The following CDKN2A variants were observed in gnomAD, a reference collection of about 807,000 sequenced individuals.
CDKN2A encodes cyclin-dependent kinase inhibitor 2A.
Under a neutral mutation model 11.1 loss-of-function variants are expected in CDKN2A, and 3 were observed. The ratio of observed to expected loss-of-function variants is 0.27; its 90% CI spans 0.12 to 0.70. The LOEUF (loss-of-function observed/expected upper bound fraction) is 0.70. Among genes scored for constraint, CDKN2A ranks in the 30% least tolerant of loss-of-function variants. The pLI is 0.77. For synonymous variants in CDKN2A, 122 were observed against 108.1 expected (o/e 1.13, Z -0.80); for missense variants, 265 against 233.6 (o/e 1.13, Z -0.88).
At chr9:21,986,352 T>C (rs1249469089) in intron 2 of CDKN2A, among the ~76,000 whole-genome samples, 2 of 152,044 alleles carry the variant, frequency 1.3e-5, no homozygotes. Context: ...AAAATAAATT[T>C]TTGAAAGATG....
chr9:21,975,521 C>T (rs904847304), upstream of CDKN2A, among the ~76,000 whole-genome samples: 1 of 152,052 alleles, frequency 6.6e-6, no homozygotes, highest in African/African-American at 2.4e-5. Context: ...GTCAGAAACC[C>T]TAGTTCAAAG....
Position 21,974,287 on chromosome 9 carries a change from G to T in CDKN2A, c.150+391C>A. 1 of 692,014 alleles carries T rather than the reference G, an allele frequency of 1.4e-6. No homozygotes were observed. Among genetic ancestry groups the T allele is most frequent in the Non-Finnish European group, 2.2e-6 (1 of 457,926 alleles). The allele number at this position is 692,014 out of a possible 1,614,324, so 42.9% of individuals were successfully genotyped here. A position where few individuals can be genotyped will look rare whatever the true frequency, so the allele number is the denominator to read the frequency against. On this transcript the variant is annotated intron_variant, in intron 1 of 2. Coordinates refer to ENST00000304494, the MANE Select transcript of CDKN2A (RefSeq NM_000077.5). This position sits in a 1 kb window ranked among gnomAD's most constrained non-coding sequence, Gnocchi z 5.2. ...TAATCCCTCCTAGTAAGAAAGATAAGCTCCATCCAGGTATCTGTGAATTGG... is the reference window on the plus strand; with the variant it reads ...TAATCCCTCCTAGTAAGAAAGATAATCTCCATCCAGGTATCTGTGAATTGG...
At position 21,970,993 on chromosome 9, in the gene CDKN2A, G is replaced by C; in HGVS notation, c.366C>G (p.Gly122=). ...GCAGGTACCGTGCGACATCGCGATG[G>C]CCCAGCTCCTCAGCCAGGTCCACGG... ...RLPVDLAEEL[G]HRDVARYLRA... is the part of the protein sequence containing the mutation. The change falls in exon 2 of 3, where the codon GGC becomes GGG. Residue 122 remains glycine (G), a synonymous_variant. Coordinates refer to ENST00000304494, the MANE Select transcript of CDKN2A (RefSeq NM_000077.5). The C allele has an allele frequency of 6.2e-7, 1 of 1,609,798 alleles. No individual in the cohort carries two copies. The highest frequency in any genetic ancestry group is 8.5e-7 in the Non-Finnish European group (1 of 1,179,982).
chr9:21,975,338 G>T (rs1819995703), upstream of CDKN2A, among the ~76,000 whole-genome samples: 1 of 152,032 alleles, frequency 6.6e-6, no homozygotes, highest in Non-Finnish European at 1.5e-5. Flanking sequence ...AAATTGAATC[G>T]GGGTGTTTGG....
At chr9:21,973,686 A>G (rs1279584282) in intron 1 of CDKN2A, among the ~76,000 whole-genome samples, 2 of 152,220 alleles carry the variant, frequency 1.3e-5, no homozygotes, top group African/African-American at 4.8e-5. Context: ...CAAATAAACT[A>G]TATCAAGTAA....
chr9:21,988,662 A>G lies in CDKN2A; in HGVS notation c.-4+5220T>C, dbSNP rs933474839. Reference sequence around the variant, plus strand: ...ACCTACTGTGGGTACTGTGCTCACTACTTGAGTGACAGATTCAGTCGTACT... The same window carrying G: ...ACCTACTGTGGGTACTGTGCTCACTGCTTGAGTGACAGATTCAGTCGTACT... On this transcript the variant is annotated intron_variant, in intron 2 of 3. Coordinates refer to the CDKN2A transcript ENST00000494262. The surrounding 1 kb of genome is among the most constrained non-coding windows in gnomAD (Gnocchi z 4.1). Among the ~76,000 whole-genome samples the G allele has an allele frequency of 6.6e-6, 1 of 152,104 alleles. No homozygotes were observed. Among genetic ancestry groups the G allele is most frequent in the Non-Finnish European group, 1.5e-5 (1 of 68,020 alleles).
At chr9:21,992,625 T>A (rs767585373) in intron 2 of CDKN2A, 18 of 210,644 alleles carry the variant, frequency 8.5e-5, no homozygotes, top group Non-Finnish European at 1.4e-4. Context: ...AACTAAAAAA[T>A]ACATAATTAT....
chr9:21,992,280 G>A (rs1479840575), intron 2 of CDKN2A: 1 of 901,210 alleles, frequency 1.1e-6, no homozygotes, highest in Non-Finnish European at 1.3e-6. Context: ...TATAGCCATG[G>A]GCATAAAATA....
At chr9:21,970,795 G>T in intron 2 of CDKN2A, 107 bp downstream of exon 2, 2 of 1,389,918 alleles carry the variant, frequency 1.4e-6, no homozygotes, top group South Asian at 2.4e-5. Flanking sequence ...GTGAGCTGAG[G>T]CAAGACCGGA....
chr9:21,975,995 C>G (rs1820017912), upstream of CDKN2A, among the ~76,000 whole-genome samples: 1 of 152,214 alleles, frequency 6.6e-6, no homozygotes, highest in African/African-American at 2.4e-5. Context: ...GCCTTAAGAA[C>G]AGTGCCACAC....
In CDKN2A at chr9:21,968,367, G is replaced by T; in HGVS notation, c.458-125C>A. On this transcript the variant is annotated intron_variant, in intron 2 of 2. Coordinates refer to ENST00000304494, the MANE Select transcript of CDKN2A (RefSeq NM_000077.5). The surrounding 1 kb of genome is among the most constrained non-coding windows in gnomAD (Gnocchi z 4.7). Reference sequence around the variant, plus strand: ...ACTTATGGATAAAGTTCTCGCAATGGCTTCACGTGCATGTACCCGCCGCCA... The same window carrying T: ...ACTTATGGATAAAGTTCTCGCAATGTCTTCACGTGCATGTACCCGCCGCCA... The T allele has an allele frequency of 3.3e-6, 5 of 1,495,452 alleles. No homozygotes were observed. In the South Asian group the frequency reaches 3.6e-5, roughly 11 times the overall value. 92.6% of individuals were successfully genotyped at this position (1,495,452 alleles called of 1,614,324 possible).
chr9:21,976,135 T>C (rs746502096), upstream of CDKN2A, among the ~76,000 whole-genome samples: 1 of 151,822 alleles, frequency 6.6e-6, no homozygotes, highest in African/African-American at 2.4e-5. Flanking sequence ...TCCCAGCACT[T>C]TGGGAAGCCG....
In CDKN2A at chr9:21,968,409, C is replaced by G; in HGVS notation, c.458-167G>C. ...CCGCCGCCACCGCTCTCCCACACCT[C>G]CCTGGTCCAGCAGCTAGTCCACTGC... On this transcript the variant is annotated intron_variant, in intron 2 of 2. Coordinates refer to ENST00000304494, the MANE Select transcript of CDKN2A (RefSeq NM_000077.5). The surrounding 1 kb of genome is among the most constrained non-coding windows in gnomAD (Gnocchi z 4.7). 3.1e-6 allele frequency: 3 copies of G among 978,390 alleles called. No homozygotes were observed. The highest frequency in any genetic ancestry group is 5.3e-4 in the Middle Eastern group (1 of 1,904). The allele number at this position is 978,390 out of a possible 1,614,324, so 60.6% of individuals were successfully genotyped here. A position where few individuals can be genotyped will look rare whatever the true frequency, so the allele number is the denominator to read the frequency against.
chr9:21,969,573 T>C (rs1819593371), intron 2 of CDKN2A: 2 of 394,842 alleles, frequency 5.1e-6, no homozygotes, highest in South Asian at 2.8e-4. Flanking sequence ...GTGTTTGGAT[T>C]AAATATATTA....
upstream of CDKN2A, chr9:21,974,943 G>T: frequency 1.4e-6 from 2 of 1,423,454 alleles, no homozygotes; most frequent in Non-Finnish European, 1.8e-6. This position sits in a 1 kb window ranked among gnomAD's most constrained non-coding sequence, Gnocchi z 5.2. Flanking sequence ...TCCGGTGCTG[G>T]CGGAAGAGCC....
At chr9:21,981,900 G>T (rs1444116794) in intron 2 of CDKN2A, among the ~76,000 whole-genome samples, 1 of 152,164 alleles carries the variant, frequency 6.6e-6, no homozygotes, top group African/African-American at 2.4e-5. Flanking sequence ...GGAGACCTCT[G>T]AGAAAGTAGA....
intron 2 of CDKN2A, among the ~76,000 whole-genome samples, chr9:21,990,247 T>C (rs1362875144): frequency 6.6e-6 from 1 of 152,132 alleles, no homozygotes; most frequent in Admixed American, 6.5e-5. Flanking sequence ...GAAACAGGTA[T>C]AGCTACGGAT....
intron 2 of CDKN2A, among the ~76,000 whole-genome samples, chr9:21,985,493 G>T (rs944267961): frequency 2.6e-5 from 4 of 151,646 alleles, no homozygotes; most frequent in South Asian, 2.1e-4. Context: ...TTAGAAAATT[G>T]TTTTGGTCAA....
At chr9:21,981,014 ATATATACGTG>A (rs2131126023) in intron 2 of CDKN2A, among the ~76,000 whole-genome samples, 1 of 83,156 alleles carries the variant, frequency 1.2e-5, no homozygotes, top group African/African-American at 4.7e-5. Context: ...GTGTATATAT[ATATATACGTG>A]TATATATATA....
Sources: allele counts gnomAD v4.1 joint callset (sites outside exome capture counted in the v4.1 genomes callset), GRCh38; gene constraint gnomAD v4.1.1; non-coding constraint Gnocchi (gnomAD v3.1); transcripts MANE v1.5; gene names NCBI Gene and HGNC (gene_info 2026-07-23, HGNC 2026-07-21).